MEIS2: variants seen among roughly 807,000 people sequenced by gnomAD.
MEIS2 encodes the protein Meis homeobox 2.
A neutral mutation model predicts 58.6 loss-of-function variants in MEIS2; 9 were observed. The ratio of observed to expected loss-of-function variants is 0.15; its 90% CI spans 0.09 to 0.27. The LOEUF (loss-of-function observed/expected upper bound fraction) is 0.27, where lower values mean the gene tolerates loss of function less well. MEIS2 is among the 10% of genes least tolerant of loss of function. The pLI is 1.00. For synonymous variants in MEIS2, 221 were observed against 228.4 expected (o/e 0.97, Z 0.29); for missense variants, 427 against 635.0 (o/e 0.67, Z 3.52).
At chr15:36,951,359 T>A (rs1211881947) in intron 8 of MEIS2, among the ~76,000 whole-genome samples, 1 of 152,194 alleles carries the variant, frequency 6.6e-6, no homozygotes, top group East Asian at 1.9e-4. Flanking sequence ...AGTAAACTTT[T>A]ATCTAGCATG....
At chr15:36,957,854 T>C (rs1361503296) in intron 8 of MEIS2, among the ~76,000 whole-genome samples, 1 of 152,226 alleles carries the variant, frequency 6.6e-6, no homozygotes, top group African/African-American at 2.4e-5. Flanking sequence ...GCATAAGTAC[T>C]CAGATGAATA....
At chr15:36,954,960 A>T (rs2058904589) in intron 8 of MEIS2, among the ~76,000 whole-genome samples, 1 of 152,196 alleles carries the variant, frequency 6.6e-6, no homozygotes, top group African/African-American at 2.4e-5. Flanking sequence ...CCCTCTAAGT[A>T]ATTTCCCTAA....
At chr15:36,910,251 C>G (rs1452339106) in intron 9 of MEIS2, among the ~76,000 whole-genome samples, 1 of 152,106 alleles carries the variant, frequency 6.6e-6, no homozygotes, top group African/African-American at 2.4e-5. Flanking sequence ...TTTCTGATAT[C>G]TTTGTAAGCA....
intron 8 of MEIS2, among the ~76,000 whole-genome samples, chr15:36,970,917 A>C (rs968587023): frequency 6.6e-6 from 1 of 152,208 alleles, no homozygotes; most frequent in Non-Finnish European, 1.5e-5. Context: ...CAACTGCAGT[A>C]TGTATAATTA....
At chr15:36,922,396 G>A (rs2141300054) in intron 9 of MEIS2, among the ~76,000 whole-genome samples, 1 of 129,558 alleles carries the variant, frequency 7.7e-6, no homozygotes, top group South Asian at 2.2e-4. Flanking sequence ...TTTTTATACA[G>A]AATCAAAAGG....
At chr15:37,002,826 G>C (rs2060781522) in intron 8 of MEIS2, among the ~76,000 whole-genome samples, 1 of 152,158 alleles carries the variant, frequency 6.6e-6, no homozygotes, top group African/African-American at 2.4e-5. Flanking sequence ...AGGCTGTTTG[G>C]AGTGAAAACT....
At chr15:36,947,727 A>G (rs1335773707) in intron 9 of MEIS2, among the ~76,000 whole-genome samples, 2 of 151,940 alleles carry the variant, frequency 1.3e-5, no homozygotes, top group African/African-American at 4.8e-5. Context: ...GAGTTTGTTT[A>G]GGAACTACAC....
chr15:36,944,760 G>A (rs776799012), intron 9 of MEIS2, among the ~76,000 whole-genome samples: 8 of 152,056 alleles, frequency 5.3e-5, no homozygotes, highest in Non-Finnish European at 1.2e-4. Context: ...GCAGCTATGC[G>A]TTTAACAAAT....
At chr15:36,995,704 A>G (rs1265283498) in intron 8 of MEIS2, among the ~76,000 whole-genome samples, 1 of 61,030 alleles carries the variant, frequency 1.6e-5, no homozygotes, top group Non-Finnish European at 3.1e-5. Context: ...GTTTACAGCT[A>G]CTAAAAAAAA....
intron 8 of MEIS2, among the ~76,000 whole-genome samples, chr15:36,986,666 G>A (rs969818883): frequency 6.6e-6 from 1 of 152,160 alleles, no homozygotes; most frequent in African/African-American, 2.4e-5. Flanking sequence ...TCAGAGGACC[G>A]AGTCCCAACT....
At chr15:36,917,516 C>A (rs1449328290) in intron 9 of MEIS2, among the ~76,000 whole-genome samples, 1 of 150,898 alleles carries the variant, frequency 6.6e-6, no homozygotes, top group African/African-American at 2.4e-5. Flanking sequence ...AAGGGTTATA[C>A]ATGAATAGTG....
chr15:36,900,433 C>G (rs1415326721), intron 9 of MEIS2, among the ~76,000 whole-genome samples: 1 of 152,064 alleles, frequency 6.6e-6, no homozygotes, highest in African/African-American at 2.4e-5. Flanking sequence ...TCTACTAAGA[C>G]TATCTACTTT....
At chr15:37,031,815 TTGTGTGTGTGTGTGTGTG>T (rs66770353) in intron 8 of MEIS2, among the ~76,000 whole-genome samples, 7 of 134,208 alleles carry the variant, frequency 5.2e-5, no homozygotes, top group East Asian at 2.3e-4. Flanking sequence ...TTACATCACT[TTGTGTGTGTGTGTGTGTG>T]TGTGTGTGTG....
rs956919580 is a variant in MEIS2 at position 37,097,677 on chromosome 15, C to T, written c.245+290G>A. ...AGTCCTGCGTCCTTTGGCCAGGAATCCTGTCCTCGGGGAGAAGGCCCCGGC... is the reference window on the plus strand; with the variant it reads ...AGTCCTGCGTCCTTTGGCCAGGAATTCTGTCCTCGGGGAGAAGGCCCCGGC... On this transcript the variant is annotated intron_variant, in intron 2 of 11. Transcript: ENST00000561208. Among the ~76,000 whole-genome samples, 7 of 152,192 alleles carry T rather than the reference C, an allele frequency of 4.6e-5. No individual in the cohort carries two copies. In the East Asian group the frequency reaches 1.2e-3, roughly 25 times the overall value.
At chr15:37,044,552 C>T (rs1288310867) in intron 7 of MEIS2, among the ~76,000 whole-genome samples, 1 of 152,126 alleles carries the variant, frequency 6.6e-6, no homozygotes, top group East Asian at 1.9e-4. Flanking sequence ...TTCAAGATTC[C>T]ATACCTTTAA....
intron 8 of MEIS2, among the ~76,000 whole-genome samples, chr15:37,027,557 T>A (rs923508682): frequency 7.9e-5 from 12 of 152,338 alleles, no homozygotes; most frequent in African/African-American, 2.9e-4. Flanking sequence ...GAATATTCAA[T>A]ATGCACATGC....
intron 8 of MEIS2, among the ~76,000 whole-genome samples, chr15:37,025,681 G>A (rs1254070461): frequency 6.7e-6 from 1 of 150,184 alleles, no homozygotes; most frequent in East Asian, 2.0e-4. Flanking sequence ...ATTTGGAATA[G>A]CCATGGACAA....
chr15:36,892,282 C>G lies in MEIS2; in HGVS notation c.1325G>C (p.Gly442Ala), dbSNP rs1346990815. 1 of 1,613,886 alleles carries G rather than the reference C, an allele frequency of 6.2e-7. No individual in the cohort carries two copies. The highest frequency in any genetic ancestry group is 1.7e-5 in the Admixed American group (1 of 59,992). The change falls in exon 12 of 12, where the codon GGA becomes GCA. Residue 442 changes from glycine to alanine, a missense_variant. Around this residue, in one of 6 missense-constraint regions of MEIS2, gnomAD observed 154 missense variants for 148.1 expected, o/e 1.04. Coordinates refer to ENST00000561208, the MANE Select transcript of MEIS2 (RefSeq NM_170675.5). ...HPHHPAMMMH[G>A]GPPTHPGMTM... ...CATTCCAGGGTGGGTAGGGGGTCCT[C>G]CGTGCATCATCATGGCTGGGTGGTG...
At chr15:37,098,341 A>G in intron 1 of MEIS2, 142 bp from the exon 2 acceptor site, 1 of 1,177,076 alleles carries the variant, frequency 8.5e-7, no homozygotes, top group South Asian at 2.7e-5. Flanking sequence ...GAGGGAGGTA[A>G]GAGAGAAGAG....
Sources: gnomAD v4.1 joint callset for allele counts (sites outside exome capture counted in the v4.1 genomes callset) on GRCh38, gnomAD v4.1.1 for gene constraint, gnomAD v4.1.1 regional missense constraint, MANE v1.5 for transcripts, NCBI Gene and HGNC (gene_info 2026-07-23, HGNC 2026-07-21) for gene names.